ZNF292: variants seen among roughly 807,000 people sequenced by gnomAD.
The protein encoded by ZNF292 is zinc finger protein 292.
Under a neutral mutation model 217.9 loss-of-function variants are expected in ZNF292, and 26 were observed. The observed-to-expected ratio is 0.12, with a 90% CI of 0.09 to 0.17. ZNF292 has a LOEUF of 0.17. Among genes scored for constraint, ZNF292 ranks in the 10% least tolerant of loss-of-function variants. The probability of loss-of-function intolerance (pLI) is 1.00; values close to 1 mark genes in which losing one functional copy is unlikely to be tolerated. For missense variants in ZNF292, 2,904 were observed against 3,175.2 expected, an observed-to-expected ratio of 0.91 and a Z score of 2.05; for synonymous variants, 1,257 against 1,124.1, an observed-to-expected ratio of 1.12 and a Z score of -2.37.
Position 87,183,080 on chromosome 6 carries a change from G to GTA in ZNF292, c.168+27324_168+27325dup, listed in dbSNP as rs553308407. ...TTAAACTTAGATTATAAATGACTGT[G>GTA]TATACAGTGAATGTTGCTGAAAAAG... is the stretch of plus-strand genomic sequence containing the variant. On this transcript the variant is annotated intron_variant, in intron 1 of 7. Transcript: ENST00000369577. Among the ~76,000 whole-genome samples the GTA allele has an allele frequency of 7.2e-5, 11 of 152,198 alleles. No individual in the cohort carries two copies. In the East Asian group the frequency reaches 2.1e-3, roughly 29 times the overall value.
chr6:87,251,168 A>G (rs576655594), intron 7 of ZNF292, among the ~76,000 whole-genome samples: 1 of 152,368 alleles, frequency 6.6e-6, no homozygotes, highest in South Asian at 2.1e-4. Flanking sequence ...TTGTTTGAGT[A>G]GAGGGAAAGA....
intron 1 of ZNF292, among the ~76,000 whole-genome samples, chr6:87,165,757 C>CTT (rs71014998): frequency 0.066 from 8,713 of 131,220 alleles, 383 homozygotes; most frequent in Non-Finnish European, 0.079. Context: ...GTTTACATTT[C>CTT]TTTTTTTTTT....
intron 1 of ZNF292, among the ~76,000 whole-genome samples, chr6:87,191,677 T>C (rs564811664): frequency 6.6e-6 from 1 of 152,342 alleles, no homozygotes; most frequent in South Asian, 2.1e-4. Flanking sequence ...ATTTTATTTA[T>C]TTATTTTGAG....
intron 1 of ZNF292, among the ~76,000 whole-genome samples, chr6:87,189,320 A>G (rs949135956): frequency 2.0e-5 from 3 of 152,164 alleles, no homozygotes; most frequent in Non-Finnish European, 4.4e-5. Flanking sequence ...GAGTTCACAT[A>G]TAGCCACAGT....
At position 87,259,459 on chromosome 6, in the gene ZNF292, T is replaced by C. The variant is rs1378637855; in HGVS notation, c.5830T>C (p.Phe1944Leu). 2 of 1,588,870 alleles carry C rather than the reference T, an allele frequency of 1.3e-6. No individual in the cohort carries two copies. The highest frequency in any genetic ancestry group is 1.7e-6 in the Non-Finnish European group (2 of 1,166,258). The change falls in exon 8 of 8, where the codon TTT becomes CTT. Residue 1944 changes from phenylalanine to leucine, a missense_variant. By Grantham distance (22) the Phe-to-Leu change is conservative. Around this residue, in one of 15 missense-constraint regions of ZNF292, gnomAD observed 50 missense variants for 90.5 expected, o/e 0.55. Coordinates refer to ENST00000369577, the MANE Select transcript of ZNF292 (RefSeq NM_015021.3). ...TGAAATTAAGAAGAATCAATTGAAA[T>C]TTGCTCCCTTTAAATGTGTAGTACC... The part of the protein sequence containing the change: ...ILEIKKNQLK[F>L]APFKCVVPTC...
chr6:87,188,571 G>A (rs1248042105), intron 1 of ZNF292, among the ~76,000 whole-genome samples: 1 of 152,012 alleles, frequency 6.6e-6, no homozygotes, highest in Non-Finnish European at 1.5e-5. Flanking sequence ...GAGCAAATCA[G>A]ATAACACTAA....
intron 4 of ZNF292, among the ~76,000 whole-genome samples, chr6:87,229,126 G>A (rs1356866663): frequency 3.3e-5 from 5 of 151,716 alleles, no homozygotes; most frequent in Non-Finnish European, 7.4e-5. Flanking sequence ...CAGGTCTTTC[G>A]CCTCCTCCTT....
chr6:87,159,158 T>G (rs1159749556), intron 1 of ZNF292, among the ~76,000 whole-genome samples: 10 of 152,168 alleles, frequency 6.6e-5, no homozygotes, highest in Non-Finnish European at 2.9e-5. Flanking sequence ...GGTAGAAGAT[T>G]AATAGATTTT....
chr6:87,157,618 T>C (rs13206982), intron 1 of ZNF292, among the ~76,000 whole-genome samples: 67 of 152,332 alleles, frequency 4.4e-4, no homozygotes, highest in Non-Finnish European at 6.5e-4. Flanking sequence ...TAGAATCTCA[T>C]GCAAGCTGGA....
chr6:87,184,982 C>T (rs774886053), intron 1 of ZNF292, among the ~76,000 whole-genome samples: 5 of 152,176 alleles, frequency 3.3e-5, no homozygotes, highest in Non-Finnish European at 5.9e-5. Flanking sequence ...TCAGATCTTC[C>T]CTACCTAGTC....
intron 1 of ZNF292, 30 bp from the exon 2 acceptor site, chr6:87,215,873 G>T: frequency 6.5e-7 from 1 of 1,532,250 alleles, no homozygotes. Context: ...TTTACATTTT[G>T]AATACTTTTT....
rs1342678180 is a variant in ZNF292 at position 87,265,037 on chromosome 6, G to C, written c.*3236G>C. On this transcript the variant is annotated 3_prime_UTR_variant, in exon 8 of 8. Coordinates refer to ENST00000369577, the MANE Select transcript of ZNF292 (RefSeq NM_015021.3). ...GTTTATTGTAGTGAGATACTAGGCA[G>C]GTGGAAGGTTATTGCTGTGATGAAA... Among the ~76,000 whole-genome samples, 1 of 152,150 alleles carries C rather than the reference G, an allele frequency of 6.6e-6. No individual in the cohort carries two copies. The highest frequency in any genetic ancestry group is 6.5e-5 in the Admixed American group (1 of 15,274).
rs906865046 is a variant in ZNF292 at position 87,261,991 on chromosome 6, A to G, written c.*190A>G. ...CTTTTTTTTATCCCTATGGGACTTGAGGAACAGAATCAGTACTTCAGTTAT... is the reference window on the plus strand; with the variant it reads ...CTTTTTTTTATCCCTATGGGACTTGGGGAACAGAATCAGTACTTCAGTTAT... On this transcript the variant is annotated 3_prime_UTR_variant, in exon 8 of 8. Transcript: ENST00000369577. 23 of 416,122 alleles carry G rather than the reference A, an allele frequency of 5.5e-5. 1 individual carries two copies. The Admixed American group carries it at 9.2e-4, about 17-fold the overall frequency. The allele number at this position is 416,122 out of a possible 1,614,324, so 25.8% of individuals were successfully genotyped here. A position where few individuals can be genotyped will look rare whatever the true frequency, so the allele number is the denominator to read the frequency against.
At chr6:87,178,054 T>A (rs1359251120) in intron 1 of ZNF292, among the ~76,000 whole-genome samples, 2 of 152,202 alleles carry the variant, frequency 1.3e-5, no homozygotes, top group African/African-American at 4.8e-5. Context: ...TTCTTTTTTT[T>A]ATTGACTTGG....
intron 1 of ZNF292, among the ~76,000 whole-genome samples, chr6:87,178,926 C>T (rs1771383479): frequency 6.6e-6 from 1 of 152,034 alleles, no homozygotes; most frequent in Admixed American, 6.5e-5. Flanking sequence ...CTTAGTAATA[C>T]CCTTATTTAA....
Position 87,256,370 on chromosome 6 carries a change from A to T in ZNF292, c.2741A>T (p.Asn914Ile). The T allele has an allele frequency of 6.2e-7, 1 of 1,610,432 alleles. No individual in the cohort carries two copies. Among genetic ancestry groups the T allele is most frequent in the Non-Finnish European group, 8.5e-7 (1 of 1,179,818 alleles). The change falls in exon 8 of 8, where the codon AAT (asparagine) becomes ATT (isoleucine). Residue 914 changes from asparagine (N) to isoleucine (I), a missense_variant. Around this residue, in one of 15 missense-constraint regions of ZNF292, gnomAD observed 687 missense variants for 623.0 expected, o/e 1.10. Transcript: ENST00000369577. ...QISASELRQANGPLSNGLENP... is the reference protein window; with the variant it reads ...QISASELRQAIGPLSNGLENP... ...TCTGCCTCTGAGCTCAGGCAAGCTA[A>T]TGGACCATTGTCAAATGGTTTGGAA...
chr6:87,248,138 A>C (rs1266301150), intron 7 of ZNF292, among the ~76,000 whole-genome samples: 1 of 152,228 alleles, frequency 6.6e-6, no homozygotes, highest in African/African-American at 2.4e-5. Flanking sequence ...CATTGTGTAG[A>C]ATCTAAAAAC....
In ZNF292 at chr6:87,260,927, C is replaced by T. The variant is rs1775547719; in HGVS notation, c.7298C>T (p.Ser2433Leu). ...ATTGTATTCAAACGGTGTTGCAACT[C>T]ACAAGTAAAGGAAACGTCTGAGCAA... ...LLIVFKRCCN[S>L]QVKETSEQEG... Residue 2433 changes from serine (S) to leucine (L), a missense_variant, in exon 8 of 8, where the codon TCA becomes TTA. Physicochemically the swap from Ser to Leu is moderately radical, Grantham distance 145. Around this residue, in one of 15 missense-constraint regions of ZNF292, gnomAD observed 380 missense variants for 355.3 expected, o/e 1.07. Transcript: ENST00000369577. 1 of 1,610,926 alleles carries T rather than the reference C, an allele frequency of 6.2e-7. No individual in the cohort carries two copies. Among genetic ancestry groups the T allele is most frequent in the South Asian group, 1.1e-5 (1 of 90,602 alleles).
At chr6:87,188,003 G>T (rs1771715622) in intron 1 of ZNF292, among the ~76,000 whole-genome samples, 1 of 152,186 alleles carries the variant, frequency 6.6e-6, no homozygotes, top group Non-Finnish European at 1.5e-5. Flanking sequence ...GTGAGAACTA[G>T]GTCCAGTTGC....
Sources: gnomAD v4.1 joint callset for allele counts (sites outside exome capture counted in the v4.1 genomes callset) on GRCh38, gnomAD v4.1.1 for gene constraint, gnomAD v4.1.1 regional missense constraint, MANE v1.5 for transcripts, NCBI Gene and HGNC (gene_info 2026-07-23, HGNC 2026-07-21) for gene names.